The following PCDH15 variants were observed in gnomAD, a reference collection of about 807,000 sequenced individuals.
The protein encoded by PCDH15 is protocadherin-15.
Under a neutral mutation model 178.5 loss-of-function variants are expected in PCDH15, and 129 were observed. The observed-to-expected ratio is 0.72, with a 90% CI of 0.63 to 0.84. PCDH15 has a LOEUF of 0.84. PCDH15 is among the 40% of genes least tolerant of loss of function. PCDH15 has a pLI of 0.00. For synonymous variants in PCDH15, 800 were observed against 732.0 expected, an observed-to-expected ratio of 1.09 and a Z score of -1.50; for missense variants, 2,230 against 2,099.9, an observed-to-expected ratio of 1.06 and a Z score of -1.21.
intron 3 of PCDH15, among the ~76,000 whole-genome samples, chr10:54,500,816 T>C (rs1330762591): frequency 2.0e-5 from 3 of 151,940 alleles, no homozygotes; most frequent in Non-Finnish European, 2.9e-5. Flanking sequence ...GAAGTGAGAC[T>C]CCATCTCACT....
intron 2 of PCDH15, among the ~76,000 whole-genome samples, chr10:55,414,419 T>C (rs1037895603): frequency 3.3e-5 from 5 of 151,594 alleles, no homozygotes; most frequent in Admixed American, 6.6e-5. Flanking sequence ...CACTGAAATT[T>C]TGAAAGGAAT....
At chr10:54,125,053 GAGA>G (rs201378960) in intron 15 of PCDH15, among the ~76,000 whole-genome samples, 2,254 of 152,230 alleles carry the variant, frequency 0.015, 52 homozygotes, top group African/African-American at 0.051. Context: ...ATTCAAAAAT[GAGA>G]AGAATGGATA....
chr10:53,856,967 G>T (rs187527150), intron 28 of PCDH15, among the ~76,000 whole-genome samples: 20 of 151,912 alleles, frequency 1.3e-4, no homozygotes, highest in African/African-American at 4.6e-4. Flanking sequence ...AGGATGGGAG[G>T]GGCATGAGGG....
At chr10:54,358,167 G>A (rs558418317) in intron 5 of PCDH15, among the ~76,000 whole-genome samples, 42 of 147,718 alleles carry the variant, frequency 2.8e-4, no homozygotes, top group Non-Finnish European at 4.9e-4. Flanking sequence ...TGACAAATGG[G>A]ATCTAATTAA....
At chr10:54,237,233 C>CA (rs1411458181) in intron 8 of PCDH15, among the ~76,000 whole-genome samples, 1 of 152,014 alleles carries the variant, frequency 6.6e-6, no homozygotes, top group Non-Finnish European at 1.5e-5. Context: ...GAGGATTTCA[C>CA]AAAAGAAATA....
In PCDH15 at chr10:54,593,240, CA is replaced by C. The variant is rs2091992586; in HGVS notation, c.92-65364del. ...CTTTTGCTCTCATATCCAAAAAAATCATTGCCAGAACCAATGACAAGAATCT... is the reference window on the plus strand; with the variant it reads ...CTTTTGCTCTCATATCCAAAAAAATCTTGCCAGAACCAATGACAAGAATCT... On this transcript the variant is annotated intron_variant, in intron 2 of 37. Coordinates refer to ENST00000644397, the MANE Select transcript of PCDH15 (RefSeq NM_001384140.1). Among the ~76,000 whole-genome samples, 4 of 152,106 alleles carry C rather than the reference CA, an allele frequency of 2.6e-5. No homozygotes were observed. The South Asian group carries it at 8.3e-4, about 31-fold the overall frequency.
chr10:55,184,269 A>G (rs1009129841), intron 1 of PCDH15, among the ~76,000 whole-genome samples: 4 of 152,018 alleles, frequency 2.6e-5, no homozygotes, highest in African/African-American at 9.7e-5. Context: ...GGTGCATGTG[A>G]AATAACTACA....
chr10:55,384,445 TATG>T (rs1285556959), intron 2 of PCDH15, among the ~76,000 whole-genome samples: 5 of 152,190 alleles, frequency 3.3e-5, no homozygotes, highest in African/African-American at 9.6e-5. Flanking sequence ...ATAATGATGT[TATG>T]ATAAGAAGAA....
At chr10:55,408,004 A>G (rs1158817281) in intron 2 of PCDH15, among the ~76,000 whole-genome samples, 2 of 152,126 alleles carry the variant, frequency 1.3e-5, no homozygotes, top group African/African-American at 4.8e-5. Flanking sequence ...CAGAGGCACC[A>G]AAAATGTGCT....
chr10:54,597,958 A>C (rs2092323595), intron 2 of PCDH15, among the ~76,000 whole-genome samples: 2 of 152,036 alleles, frequency 1.3e-5, no homozygotes, highest in African/African-American at 4.8e-5. Flanking sequence ...CCTGAAGATA[A>C]CTATAACAAA....
chr10:53,812,965 T>A (rs2075928001), intron 35 of PCDH15, among the ~76,000 whole-genome samples: 1 of 152,186 alleles, frequency 6.6e-6, no homozygotes, highest in South Asian at 2.1e-4. Flanking sequence ...GCCTGCATGA[T>A]TGATATGGAT....
chr10:55,285,464 GGCATTAATAAC>G (rs1842842033), intron 1 of PCDH15, among the ~76,000 whole-genome samples: 2 of 151,010 alleles, frequency 1.3e-5, no homozygotes, highest in Admixed American at 1.3e-4. Context: ...TCCATTAATG[GGCATTAATAAC>G]AAACATCATT....
At chr10:54,925,554 T>C (rs1270404273) in intron 2 of PCDH15, among the ~76,000 whole-genome samples, 4 of 152,134 alleles carry the variant, frequency 2.6e-5, no homozygotes, top group Non-Finnish European at 5.9e-5. Context: ...ATCTTAACCA[T>C]ATTGATTCTT....
chr10:54,195,059 G>A (rs563589609), intron 11 of PCDH15, among the ~76,000 whole-genome samples: 8 of 152,276 alleles, frequency 5.3e-5, no homozygotes, highest in Admixed American at 1.3e-4. Context: ...ATTCTGGCTA[G>A]CCTGGTATAG....
intron 2 of PCDH15, among the ~76,000 whole-genome samples, chr10:54,941,729 C>A (rs539526480): frequency 6.6e-6 from 1 of 151,996 alleles, no homozygotes; most frequent in Non-Finnish European, 1.5e-5. Flanking sequence ...TACTGATTCC[C>A]TGCTCTATAC....
chr10:54,067,660 T>C (rs2094163069), intron 17 of PCDH15, among the ~76,000 whole-genome samples: 1 of 152,122 alleles, frequency 6.6e-6, no homozygotes, highest in South Asian at 2.1e-4. Context: ...TGTCACAGTG[T>C]GGGGCTGATC....
At chr10:54,066,269 A>G (rs2094135579) in intron 18 of PCDH15, among the ~76,000 whole-genome samples, 1 of 152,226 alleles carries the variant, frequency 6.6e-6, no homozygotes, top group African/African-American at 2.4e-5. Context: ...AGGTAGATCC[A>G]GAAGCACTTA....
intron 1 of PCDH15, among the ~76,000 whole-genome samples, chr10:55,318,839 A>G (rs898046124): frequency 1.3e-5 from 2 of 152,324 alleles, no homozygotes; most frequent in African/African-American, 4.8e-5. Context: ...AACTCAAAGA[A>G]ACTTGCCTTT....
intron 37 of PCDH15, among the ~76,000 whole-genome samples, chr10:53,807,580 C>CTAATTTTTAAT (rs1841277505): frequency 6.6e-6 from 1 of 152,084 alleles, no homozygotes; most frequent in East Asian, 1.9e-4. Flanking sequence ...CCACATCATT[C>CTAATTTTTAAT]TAATTTTTAA....
Sources: allele counts gnomAD v4.1 joint callset (sites outside exome capture counted in the v4.1 genomes callset), GRCh38; gene constraint gnomAD v4.1.1; transcripts MANE v1.5; gene names NCBI Gene and HGNC (gene_info 2026-07-23, HGNC 2026-07-21).